The following PYM1 variants were observed in gnomAD, a reference collection of about 807,000 sequenced individuals.
PYM1 encodes PYM1 exon junction complex associated factor.
PYM1 carries 7 observed loss-of-function variants against 20.7 expected under a neutral mutation model. The observed-to-expected ratio is 0.34, with a 90% CI of 0.19 to 0.64. The LOEUF is 0.64. Among genes scored for constraint, PYM1 ranks in the 30% least tolerant of loss-of-function variants. The probability of loss-of-function intolerance (pLI) is 0.74; values close to 1 mark genes in which losing one functional copy is unlikely to be tolerated. For synonymous variants in PYM1, 100 were observed against 99.2 expected, an observed-to-expected ratio of 1.01 and a Z score of -0.05; for missense variants, 194 against 250.0, an observed-to-expected ratio of 0.78 and a Z score of 1.51.
intron 1 of PYM1, among the ~76,000 whole-genome samples, chr12:55,910,425 G>GCAT (rs1565715787): frequency 6.6e-6 from 1 of 151,670 alleles, no homozygotes; most frequent in African/African-American, 2.4e-5. Context: ...GGACTACAGC[G>GCAT]CATCACCACA....
chr12:55,901,788 C>T lies in PYM1; in HGVS notation c.*84G>A, dbSNP rs1882693066. ...GTAAGCCAGTATGGGGGGTACCCCTCCTGACTGCTGTTGCCCGTATTCCCC... is the reference window on the plus strand; with the variant it reads ...GTAAGCCAGTATGGGGGGTACCCCTTCTGACTGCTGTTGCCCGTATTCCCC... On this transcript the variant is annotated 3_prime_UTR_variant, in exon 3 of 3. Transcript: ENST00000408946. 2 of 1,515,924 alleles carry T rather than the reference C, an allele frequency of 1.3e-6. No homozygotes were observed. Among genetic ancestry groups the T allele is most frequent in the Middle Eastern group, 1.8e-4 (1 of 5,550 alleles). 93.9% of individuals were successfully genotyped at this position (1,515,924 alleles called of 1,614,324 possible).
intron 1 of PYM1, among the ~76,000 whole-genome samples, chr12:55,926,771 T>G (rs1481826223): frequency 6.6e-6 from 1 of 151,992 alleles, no homozygotes; most frequent in Non-Finnish European, 1.5e-5. Context: ...CCCCCAAGCC[T>G]GAAGAACCTA....
intron 1 of PYM1, among the ~76,000 whole-genome samples, chr12:55,925,010 T>G (rs1883165178): frequency 6.6e-6 from 1 of 152,118 alleles, no homozygotes; most frequent in Admixed American, 6.5e-5. Flanking sequence ...AAGAAAAAAA[T>G]AATTAGAAGC....
chr12:55,919,590 T>C (rs1313628205), intron 1 of PYM1, among the ~76,000 whole-genome samples: 1 of 152,164 alleles, frequency 6.6e-6, no homozygotes, highest in Non-Finnish European at 1.5e-5. Flanking sequence ...TATATATGCA[T>C]ATGTGCTTAG....
At chr12:55,925,378 C>G (rs1317406115) in intron 1 of PYM1, among the ~76,000 whole-genome samples, 3 of 152,064 alleles carry the variant, frequency 2.0e-5, no homozygotes, top group South Asian at 2.1e-4. Context: ...TGATGGGGAG[C>G]AGCTGAAGAA....
intron 1 of PYM1, chr12:55,927,270 GA>G: frequency 9.5e-7 from 1 of 1,049,638 alleles, no homozygotes; most frequent in East Asian, 2.6e-5. Flanking sequence ...TGGAGAAGCT[GA>G]AATAGTTAAT....
At chr12:55,904,416 A>AC (rs1336156179) in intron 1 of PYM1, among the ~76,000 whole-genome samples, 35 of 149,544 alleles carry the variant, frequency 2.3e-4, no homozygotes, top group Non-Finnish European at 4.6e-4. Flanking sequence ...ACATAGTGAA[A>AC]CCCCGTCTCT....
At chr12:55,916,971 G>A (rs903680834) in intron 1 of PYM1, among the ~76,000 whole-genome samples, 2 of 151,326 alleles carry the variant, frequency 1.3e-5, no homozygotes, top group Admixed American at 1.3e-4. Flanking sequence ...GCATGGTGGC[G>A]CACACCTGTA....
At chr12:55,909,487 C>T (rs1689509) in intron 1 of PYM1, among the ~76,000 whole-genome samples, 5,790 of 151,538 alleles carry the variant, frequency 0.038, 379 homozygotes, top group African/African-American at 0.13. Flanking sequence ...ATCCTTTATG[C>T]GAAGTATTGT....
Position 55,901,767 on chromosome 12 carries a change from G to A in PYM1, c.*105C>T. ...GCTGGGCCGCAGGAGGTGGAAGTAA[G>A]CCAGTATGGGGGGTACCCCTCCTGA... On this transcript the variant is annotated 3_prime_UTR_variant, in exon 3 of 3. Transcript: ENST00000408946. 3 of 1,463,704 alleles carry A rather than the reference G, an allele frequency of 2.0e-6. No homozygotes were observed. The highest frequency in any genetic ancestry group is 1.8e-6 in the Non-Finnish European group (2 of 1,094,974). 90.7% of individuals were successfully genotyped at this position (1,463,704 alleles called of 1,614,324 possible).
intron 1 of PYM1, chr12:55,914,506 C>A (rs78440415): frequency 3.2e-5 from 20 of 619,474 alleles, no homozygotes; most frequent in Non-Finnish European, 5.8e-5. Context: ...TTTTTTAATT[C>A]TCAATCTATT....
rs569664456 is a variant in PYM1 at position 55,901,780 on chromosome 12, G to T, written c.*92C>A. 243 of 1,500,956 alleles carry T rather than the reference G, an allele frequency of 1.6e-4. No individual in the cohort carries two copies. Among genetic ancestry groups the T allele is most frequent in the Non-Finnish European group, 2.0e-4 (227 of 1,125,336 alleles). 93.0% of individuals were successfully genotyped at this position (1,500,956 alleles called of 1,614,324 possible). A position where few individuals can be genotyped will look rare whatever the true frequency, so the allele number is the denominator to read the frequency against. On this transcript the variant is annotated 3_prime_UTR_variant, in exon 3 of 3. Transcript: ENST00000408946. ...AGGTGGAAGTAAGCCAGTATGGGGG[G>T]TACCCCTCCTGACTGCTGTTGCCCG...
chr12:55,919,698 G>A (rs1883065868), intron 1 of PYM1, among the ~76,000 whole-genome samples: 1 of 151,942 alleles, frequency 6.6e-6, no homozygotes, highest in Admixed American at 6.6e-5. Flanking sequence ...AGGAGTTCGA[G>A]ACCAGCCTGG....
chr12:55,911,635 G>C (rs991239188), intron 1 of PYM1, among the ~76,000 whole-genome samples: 9 of 151,810 alleles, frequency 5.9e-5, no homozygotes, highest in Admixed American at 2.0e-4. Context: ...GAGGTCAGGA[G>C]TTTAAAACCA....
Position 55,927,741 on chromosome 12 carries a change from A to C in PYM1, c.21T>G (p.Pro7=). MEAAGS[P]AATETGKYIA... ...GTCGGTCACCTGTCTCCGTAGCCGC[A>C]GGGCTGCCGGCAGCTTCCATGGCCG... Residue 7 remains proline (P), a synonymous_variant, in exon 1 of 3, where the codon CCT becomes CCG. Transcript: ENST00000408946. 6.5e-7 allele frequency: 1 copy of C among 1,539,848 alleles called. No individual in the cohort carries two copies. The highest frequency in any genetic ancestry group is 8.7e-7 in the Non-Finnish European group (1 of 1,146,576).
intron 1 of PYM1, among the ~76,000 whole-genome samples, chr12:55,912,716 G>A (rs1186955242): frequency 6.6e-6 from 1 of 152,146 alleles, no homozygotes; most frequent in Non-Finnish European, 1.5e-5. Context: ...TGTAATCCCA[G>A]CACTTTGGGA....
At chr12:55,927,448 C>T (rs577062885) in intron 1 of PYM1, 1 of 697,112 alleles carries the variant, frequency 1.4e-6, no homozygotes, top group African/African-American at 1.8e-5. Context: ...GCAAGGCCCA[C>T]CTGCACCCAA....
chr12:55,907,254 A>T (rs896210416), intron 1 of PYM1, among the ~76,000 whole-genome samples: 1 of 151,772 alleles, frequency 6.6e-6, no homozygotes, highest in Non-Finnish European at 1.5e-5. Context: ...ACACAAGTCC[A>T]GGAGTTCCAG....
chr12:55,916,758 A>G (rs933728318), intron 1 of PYM1, among the ~76,000 whole-genome samples: 2 of 152,138 alleles, frequency 1.3e-5, no homozygotes, highest in Non-Finnish European at 2.9e-5. Flanking sequence ...AGGTCAGGCC[A>G]TTGCACTCCA....
Sources: allele counts gnomAD v4.1 joint callset (sites outside exome capture counted in the v4.1 genomes callset), GRCh38; gene constraint gnomAD v4.1.1; transcripts MANE v1.5; gene names NCBI Gene and HGNC (gene_info 2026-07-23, HGNC 2026-07-21).